Variants in SLC35F4 observed in about 807,000 individuals in gnomAD.
The protein encoded by SLC35F4 is chromosome 14 open reading frame 36.
A neutral mutation model predicts 44.2 loss-of-function variants in SLC35F4; 24 were observed. The ratio of observed to expected loss-of-function variants is 0.54; its 90% CI spans 0.39 to 0.76. The LOEUF (loss-of-function observed/expected upper bound fraction) is 0.76. Among genes scored for constraint, SLC35F4 ranks in the 30% least tolerant of loss-of-function variants. SLC35F4 has a pLI of 0.00. For synonymous variants in SLC35F4, 238 were observed against 223.6 expected, an observed-to-expected ratio of 1.06 and a Z score of -0.57; for missense variants, 562 against 586.1, an observed-to-expected ratio of 0.96 and a Z score of 0.42.
At chr14:57,981,935 T>C (rs1048943365) in exon 1 of SLC35F4, 3 of 152,150 alleles carry the variant, frequency 2.0e-5, no homozygotes, top group African/African-American at 4.8e-5. Context: ...AGGTCTCCAA[T>C]TGCCAGGTTT....
At chr14:57,761,809 T>C (rs1392859775) in intron 1 of SLC35F4, among the ~76,000 whole-genome samples, 3 of 152,114 alleles carry the variant, frequency 2.0e-5, no homozygotes, top group Non-Finnish European at 2.9e-5. Context: ...ATAACACAAA[T>C]GTTGAATGAC....
intron 3 of SLC35F4, among the ~76,000 whole-genome samples, chr14:57,585,502 C>A (rs2069640470): frequency 6.6e-6 from 1 of 151,784 alleles, no homozygotes; most frequent in Non-Finnish European, 1.5e-5. Context: ...GGCGATCAGG[C>A]AAGAGAAAAA....
intron 1 of SLC35F4, among the ~76,000 whole-genome samples, chr14:57,742,727 T>C (rs540905113): frequency 1.3e-5 from 2 of 152,322 alleles, no homozygotes; most frequent in South Asian, 2.1e-4. Flanking sequence ...GCGGACCTAA[T>C]AGACATCTAC....
At chr14:57,614,599 G>A (rs974078080) in intron 1 of SLC35F4, among the ~76,000 whole-genome samples, 2 of 152,224 alleles carry the variant, frequency 1.3e-5, no homozygotes, top group Non-Finnish European at 2.9e-5. Context: ...AAAAAGAATT[G>A]GAAGTAAAAA....
intron 1 of SLC35F4, among the ~76,000 whole-genome samples, chr14:57,748,190 T>G (rs1274668196): frequency 6.6e-6 from 1 of 152,186 alleles, no homozygotes; most frequent in East Asian, 1.9e-4. Flanking sequence ...AAAACTGTCT[T>G]GAGTTTTTCA....
At chr14:57,740,163 T>C (rs2076569322) in intron 1 of SLC35F4, among the ~76,000 whole-genome samples, 13 of 152,180 alleles carry the variant, frequency 8.5e-5, no homozygotes, top group Admixed American at 7.2e-4. Context: ...AAATTTAAAA[T>C]GCAAGACAAT....
chr14:57,698,467 T>C (rs952818733), intron 1 of SLC35F4, among the ~76,000 whole-genome samples: 5 of 152,150 alleles, frequency 3.3e-5, no homozygotes, highest in African/African-American at 7.2e-5. Flanking sequence ...CTCACCACTA[T>C]ACAACAAAGT....
intron 1 of SLC35F4, among the ~76,000 whole-genome samples, chr14:57,746,721 GTTGA>G (rs1482462962): frequency 2.0e-5 from 3 of 152,150 alleles, no homozygotes; most frequent in Admixed American, 1.3e-4. Context: ...TGGTTGGTTG[GTTGA>G]TTGGTTGTTT....
chr14:57,783,185 T>C (rs562215384), intron 1 of SLC35F4, among the ~76,000 whole-genome samples: 6 of 152,204 alleles, frequency 3.9e-5, no homozygotes, highest in African/African-American at 1.4e-4. Flanking sequence ...AAAGTGGTCA[T>C]TATATGACAA....
chr14:57,594,526 T>A (rs947534368), intron 1 of SLC35F4, among the ~76,000 whole-genome samples: 1 of 152,208 alleles, frequency 6.6e-6, no homozygotes, highest in South Asian at 2.1e-4. Flanking sequence ...GCAAGGTCTG[T>A]GCCTATAAGA....
intron 1 of SLC35F4, among the ~76,000 whole-genome samples, chr14:57,959,776 G>T (rs1890307451): frequency 6.6e-6 from 1 of 152,176 alleles, no homozygotes; most frequent in Non-Finnish European, 1.5e-5. Flanking sequence ...TTTGTTAAGA[G>T]CTTAGTAAAA....
intron 3 of SLC35F4, among the ~76,000 whole-genome samples, chr14:57,588,537 C>G (rs1234775915): frequency 6.6e-6 from 1 of 152,280 alleles, no homozygotes; most frequent in Admixed American, 6.5e-5. Flanking sequence ...CTGAGCTATC[C>G]AAGAGGGGCT....
chr14:57,779,605 C>T (rs769550180), intron 1 of SLC35F4, among the ~76,000 whole-genome samples: 4 of 152,126 alleles, frequency 2.6e-5, no homozygotes, highest in Non-Finnish European at 4.4e-5. Context: ...CATCCTGATA[C>T]CAAAATCTGG....
intron 1 of SLC35F4, among the ~76,000 whole-genome samples, chr14:57,806,923 T>C (rs1881395040): frequency 6.6e-6 from 1 of 152,212 alleles, no homozygotes; most frequent in Non-Finnish European, 1.5e-5. Context: ...TAATAACTAT[T>C]GTTAAACATT....
At chr14:57,636,347 A>C (rs1008861628) in intron 1 of SLC35F4, among the ~76,000 whole-genome samples, 2 of 152,144 alleles carry the variant, frequency 1.3e-5, no homozygotes, top group Non-Finnish European at 2.9e-5. Context: ...GGTTGCACTG[A>C]AAATACCATG....
chr14:57,640,329 G>T (rs1031730877), intron 1 of SLC35F4, among the ~76,000 whole-genome samples: 3 of 151,756 alleles, frequency 2.0e-5, no homozygotes, highest in African/African-American at 7.3e-5. Context: ...ATCACAAAAA[G>T]TACTGACAAA....
At chr14:57,750,469 G>T (rs937686545) in intron 1 of SLC35F4, among the ~76,000 whole-genome samples, 2 of 152,126 alleles carry the variant, frequency 1.3e-5, no homozygotes, top group African/African-American at 4.8e-5. Flanking sequence ...GTTTTCTATA[G>T]AGGTTGTACT....
intron 1 of SLC35F4, among the ~76,000 whole-genome samples, chr14:57,610,244 C>G (rs1163501859): frequency 6.6e-6 from 1 of 152,042 alleles, no homozygotes; most frequent in African/African-American, 2.4e-5. Context: ...AAATTATAAC[C>G]CAATATGAAA....
chr14:57,599,634 T>G (rs238386), intron 1 of SLC35F4, among the ~76,000 whole-genome samples: 108,099 of 151,646 alleles, frequency 0.71, 39,250 homozygotes, highest in Middle Eastern at 0.8. Context: ...CTGAGGTCAG[T>G]AGTTCAAGAC....
Sources: gnomAD v4.1 joint callset for allele counts (sites outside exome capture counted in the v4.1 genomes callset) on GRCh38, gnomAD v4.1.1 for gene constraint, MANE v1.5 for transcripts, NCBI Gene and HGNC (gene_info 2026-07-23, HGNC 2026-07-21) for gene names.